The following STK32B variants were observed in gnomAD, a reference collection of about 807,000 sequenced individuals.
STK32B encodes the protein serine/threonine-protein kinase 32B.
STK32B carries 43 observed loss-of-function variants against 52.6 expected under a neutral mutation model. That is an observed-to-expected ratio of 0.82 (90% CI 0.64 to 1.05). STK32B has a LOEUF of 1.05. STK32B is among the 50% of genes least tolerant of loss of function. The pLI is 0.00. For missense variants in STK32B, 621 were observed against 534.6 expected, an observed-to-expected ratio of 1.16 and a Z score of -1.59; for synonymous variants, 238 against 204.3, an observed-to-expected ratio of 1.17 and a Z score of -1.41.
chr4:5,199,198 ATTAC>A (rs1721929328), intron 3 of STK32B, among the ~76,000 whole-genome samples: 1 of 152,214 alleles, frequency 6.6e-6, no homozygotes, highest in Non-Finnish European at 1.5e-5. Flanking sequence ...TAAAATGAGT[ATTAC>A]TTTAATTGAA....
chr4:5,124,430 C>T (rs1715238606), intron 1 of STK32B, among the ~76,000 whole-genome samples: 1 of 152,188 alleles, frequency 6.6e-6, no homozygotes, highest in African/African-American at 2.4e-5. Flanking sequence ...TCTTCTCCCA[C>T]ATCTCATGCA....
At chr4:5,203,467 GC>G (rs1722316193) in intron 3 of STK32B, among the ~76,000 whole-genome samples, 1 of 151,622 alleles carries the variant, frequency 6.6e-6, no homozygotes. Flanking sequence ...CCATTTCCTG[GC>G]CCCACCCCTC....
chr4:5,193,163 C>T (rs960735642), intron 3 of STK32B, among the ~76,000 whole-genome samples: 1 of 152,050 alleles, frequency 6.6e-6, no homozygotes. Flanking sequence ...GGGCCACTGT[C>T]CTCTCGTGCC....
At chr4:5,329,796 A>G (rs1444940527) in intron 3 of STK32B, among the ~76,000 whole-genome samples, 2 of 152,186 alleles carry the variant, frequency 1.3e-5, no homozygotes, top group Non-Finnish European at 2.9e-5. Flanking sequence ...AACAATGGGT[A>G]AGATACACAA....
At chr4:5,248,747 TA>T (rs1003192803) in intron 3 of STK32B, among the ~76,000 whole-genome samples, 32 of 152,306 alleles carry the variant, frequency 2.1e-4, no homozygotes, top group East Asian at 1.2e-3. Flanking sequence ...TATGCAGCCA[TA>T]AAAAGGGTGA....
At chr4:5,414,055 A>G (rs1711940692) in intron 5 of STK32B, among the ~76,000 whole-genome samples, 1 of 152,212 alleles carries the variant, frequency 6.6e-6, no homozygotes, top group African/African-American at 2.4e-5. Flanking sequence ...CAAACAATTA[A>G]GCAAGCAAAA....
At chr4:5,133,524 G>T (rs1455522932) in intron 1 of STK32B, among the ~76,000 whole-genome samples, 1 of 148,366 alleles carries the variant, frequency 6.7e-6, no homozygotes, top group African/African-American at 2.6e-5. Context: ...AGCACTACCT[G>T]CCTGGCACCT....
chr4:5,472,776 A>G (rs1717939520), intron 11 of STK32B, among the ~76,000 whole-genome samples: 1 of 152,238 alleles, frequency 6.6e-6, no homozygotes. Context: ...TACACCAAAT[A>G]ATACTATGAA....
chr4:5,148,413 C>G (rs1462436671), intron 2 of STK32B, among the ~76,000 whole-genome samples: 1 of 151,648 alleles, frequency 6.6e-6, no homozygotes, highest in African/African-American at 2.4e-5. Flanking sequence ...TTAAGTTACA[C>G]CCCCAAAATT....
rs1165177565 is a variant in STK32B at position 5,115,837 on chromosome 4, A to T, written c.53-24068A>T. On this transcript the variant is annotated intron_variant, in intron 1 of 11. Coordinates refer to ENST00000282908, the MANE Select transcript of STK32B (RefSeq NM_018401.3). ...TAAAGGTGAAAATGCTTTCTGAACCAGAGAGAACGACACCAGCATGAAACA... is the reference window on the plus strand; with the variant it reads ...TAAAGGTGAAAATGCTTTCTGAACCTGAGAGAACGACACCAGCATGAAACA... Among the ~76,000 whole-genome samples the T allele has an allele frequency of 3.3e-5, 5 of 152,342 alleles. No individual in the cohort carries two copies. In the South Asian group the frequency reaches 1.0e-3, roughly 32 times the overall value.
chr4:5,020,103 C>A, the STK32B span, among the ~76,000 whole-genome samples: 1 of 152,100 alleles, frequency 6.6e-6, no homozygotes, highest in Non-Finnish European at 1.5e-5. Flanking sequence ...AGTGTGAGTA[C>A]CCCCACCCTC....
At position 5,317,223 on chromosome 4, in the gene STK32B, A is replaced by G. The variant is rs1285074896; in HGVS notation, c.261-13997A>G. ...TATATTATATATATAACATATATAT[A>G]TTATATATAACATATATATATTATA... On this transcript the variant is annotated intron_variant, in intron 3 of 11. Coordinates refer to ENST00000282908, the MANE Select transcript of STK32B (RefSeq NM_018401.3). Among the ~76,000 whole-genome samples the G allele has an allele frequency of 5.6e-5, 3 of 53,498 alleles. No homozygotes were observed. The African/African-American group carries it at 5.8e-4, about 10-fold the overall frequency. The allele number at this position is 53,498 out of a possible 152,430, so 35.1% of individuals were successfully genotyped here.
At chr4:5,283,625 A>G (rs1006324221) in intron 3 of STK32B, among the ~76,000 whole-genome samples, 48 of 152,330 alleles carry the variant, frequency 3.2e-4, no homozygotes, top group East Asian at 1.9e-4. Context: ...AGGGAGCCCC[A>G]AGATGGCTTT....
At chr4:5,481,873 T>A (rs561338006) in intron 11 of STK32B, among the ~76,000 whole-genome samples, 17 of 152,318 alleles carry the variant, frequency 1.1e-4, no homozygotes, top group African/African-American at 4.1e-4. Context: ...TTTGTCAGGT[T>A]TGTCAAAGAT....
chr4:5,019,458 T>C, the STK32B span: 1 of 1,448,922 alleles, frequency 6.9e-7, no homozygotes. Flanking sequence ...TGCCAGGCGC[T>C]GGTGCAGCCT....
intron 11 of STK32B, among the ~76,000 whole-genome samples, chr4:5,493,383 T>G (rs758623600): frequency 6.6e-6 from 1 of 152,222 alleles, no homozygotes; most frequent in Non-Finnish European, 1.5e-5. Flanking sequence ...GTTTGTAGTA[T>G]TCTCTGATGG....
chr4:5,256,183 G>A (rs770854242), intron 3 of STK32B, among the ~76,000 whole-genome samples: 2 of 144,400 alleles, frequency 1.4e-5, no homozygotes, highest in Non-Finnish European at 2.9e-5. Context: ...ACCTTCCCGG[G>A]ACCACACAGT....
At chr4:5,294,864 A>G (rs1045986315) in intron 3 of STK32B, among the ~76,000 whole-genome samples, 1 of 152,074 alleles carries the variant, frequency 6.6e-6, no homozygotes, top group African/African-American at 2.4e-5. Context: ...TTTCAAAGGG[A>G]CTACTTCCAG....
chr4:5,227,523 G>A (rs994797917), intron 3 of STK32B, among the ~76,000 whole-genome samples: 13 of 152,036 alleles, frequency 8.6e-5, no homozygotes, highest in African/African-American at 3.1e-4. Context: ...TCTAAAAGAC[G>A]AATTTTCACT....
Sources: allele counts gnomAD v4.1 joint callset (sites outside exome capture counted in the v4.1 genomes callset), GRCh38; gene constraint gnomAD v4.1.1; transcripts MANE v1.5; gene names NCBI Gene and HGNC (gene_info 2026-07-23, HGNC 2026-07-21).